The following TAS1R1 variants were observed in gnomAD, a reference collection of about 807,000 sequenced individuals.
TAS1R1 encodes taste receptor type 1 member 1.
A neutral mutation model predicts 45.8 loss-of-function variants in TAS1R1; 31 were observed. The ratio of observed to expected loss-of-function variants is 0.68; its 90% CI spans 0.51 to 0.91. The LOEUF (loss-of-function observed/expected upper bound fraction) is 0.91, where lower values mean the gene tolerates loss of function less well. Ranked by LOEUF, TAS1R1 falls within the 40% of genes least tolerant of loss-of-function variation. TAS1R1 has a pLI of 0.00. For synonymous variants in TAS1R1, 437 were observed against 448.4 expected, an observed-to-expected ratio of 0.97 and a Z score of 0.32; for missense variants, 1,051 against 1,063.9, an observed-to-expected ratio of 0.99 and a Z score of 0.17.
chr1:6,559,184 C>T (rs1023631112), intron 1 of TAS1R1, among the ~76,000 whole-genome samples: 3 of 151,424 alleles, frequency 2.0e-5, no homozygotes, highest in African/African-American at 4.8e-5. Flanking sequence ...TGAGCCGCCA[C>T]GCCCGGCCCC....
intron 1 of TAS1R1, among the ~76,000 whole-genome samples, chr1:6,561,647 G>A (rs1396332864): frequency 1.3e-5 from 2 of 152,020 alleles, no homozygotes; most frequent in Admixed American, 6.6e-5. Flanking sequence ...TCTGGGAGGC[G>A]GAGCTTGCAG....
rs1640093996 is a variant in TAS1R1, at chr1:6,574,124, A to C, written c.499-507A>C. Reference sequence around the variant, plus strand: ...GATTCTCATAAGTAGCGTGCAACCCAGATCCCTCGCATGTGCAGTTCACAG... The same window carrying C: ...GATTCTCATAAGTAGCGTGCAACCCCGATCCCTCGCATGTGCAGTTCACAG... On this transcript the variant is annotated intron_variant, in intron 2 of 5. Coordinates refer to ENST00000333172, the MANE Select transcript of TAS1R1 (RefSeq NM_138697.4). The surrounding 1 kb of genome is among the most constrained non-coding windows in gnomAD (Gnocchi z 4.3). Among the ~76,000 whole-genome samples, 1 of 152,182 alleles carries C rather than the reference A, an allele frequency of 6.6e-6. No individual in the cohort carries two copies. Among genetic ancestry groups the C allele is most frequent in the African/African-American group, 2.4e-5 (1 of 41,420 alleles).
intron 5 of TAS1R1, among the ~76,000 whole-genome samples, chr1:6,578,273 A>C (rs1640240115): frequency 6.6e-6 from 1 of 152,210 alleles, no homozygotes; most frequent in African/African-American, 2.4e-5. Context: ...GCAGCAGCTC[A>C]GGAAAGTGGT....
intron 1 of TAS1R1, among the ~76,000 whole-genome samples, chr1:6,561,646 C>T (rs1011490778): frequency 6.0e-5 from 9 of 150,620 alleles, no homozygotes; most frequent in East Asian, 5.9e-4. Context: ...ATCTGGGAGG[C>T]GGAGCTTGCA....
intron 1 of TAS1R1, among the ~76,000 whole-genome samples, chr1:6,565,050 T>C (rs901380071): frequency 2.0e-5 from 3 of 152,008 alleles, no homozygotes; most frequent in African/African-American, 7.3e-5. Context: ...CACGCACCGA[T>C]ATGGAAGGAT....
rs1039620579 is a variant in TAS1R1, at chr1:6,567,159, T to C, written c.192-3750T>C. ...AAGACTATGAGAAAATGGTATTGAA[T>C]AGGGAACAAGTAAGAGGTCTGGTGG... On this transcript the variant is annotated intron_variant, in intron 1 of 5. Coordinates refer to ENST00000333172, the MANE Select transcript of TAS1R1 (RefSeq NM_138697.4). Among the ~76,000 whole-genome samples, 41 of 152,086 alleles carry C rather than the reference T, an allele frequency of 2.7e-4. 1 individual carries two copies. Among genetic ancestry groups the C allele is most frequent in the African/African-American group, 9.4e-4 (39 of 41,410 alleles).
rs949220271 is a variant in TAS1R1, at chr1:6,575,189, C to T, written c.1057C>T (p.His353Tyr). 1.9e-6 allele frequency: 3 copies of T among 1,609,848 alleles called. No individual in the cohort carries two copies. Among genetic ancestry groups the T allele is most frequent in the South Asian group, 1.1e-5 (1 of 90,504 alleles). ...RADKKAPRPC[H>Y]KGSWCSSNQL... ...AGACAAGAAGGCCCCTAGGCCTTGC[C>T]ACAAGGGCTCCTGGTGCAGCAGCAA... The change falls in exon 3 of 6, where the codon CAC (histidine) becomes TAC (tyrosine). Residue 353 changes from histidine to tyrosine, a missense_variant. His to Tyr is a moderately conservative substitution (Grantham distance 83). Transcript: ENST00000333172.
At chr1:6,571,332 T>C in intron 2 of TAS1R1, 117 bp downstream of exon 2, 1 of 1,129,826 alleles carries the variant, frequency 8.9e-7, no homozygotes, top group East Asian at 2.5e-5. Flanking sequence ...TCTTGGGTGG[T>C]CACTGCTCTT....
chr1:6,575,322 C>A lies in TAS1R1; in HGVS notation c.1190C>A (p.Ala397Asp). The A allele has an allele frequency of 1.2e-6, 2 of 1,611,332 alleles. No homozygotes were observed. Among genetic ancestry groups the A allele is most frequent in the Non-Finnish European group, 1.7e-6 (2 of 1,179,140 alleles). The change falls in exon 3 of 6, where the codon GCC becomes GAC. Residue 397 changes from alanine to aspartate, a missense_variant. Transcript: ENST00000333172. ...GCATACCGGGCTGTGTATGCGGTGG[C>A]CCATGGCCTCCACCAGCTCCTGGGC... Reference protein sequence around the residue: ...YNAYRAVYAVAHGLHQLLGCA... With the variant: ...YNAYRAVYAVDHGLHQLLGCA...
Position 6,555,425 on chromosome 1 carries a change from T to C in TAS1R1, c.52T>C (p.Cys18Arg), listed in dbSNP as rs1639656297. The part of the protein sequence containing the change: ...LVGLQLLISC[C>R]WAFACHSTES... ...CGGCCTGCAGCTTCTCATTTCCTGC[T>C]GCTGGGCCTTTGCCTGCCATAGCAC... The change falls in exon 1 of 6, where the codon TGC becomes CGC. Residue 18 changes from cysteine to arginine, a missense_variant. By Grantham distance (180) the Cys-to-Arg change is radical. Coordinates refer to ENST00000333172, the MANE Select transcript of TAS1R1 (RefSeq NM_138697.4). The C allele has an allele frequency of 1.2e-6, 2 of 1,607,778 alleles. No homozygotes were observed. Among genetic ancestry groups the C allele is most frequent in the South Asian group, 1.1e-5 (1 of 90,054 alleles).
chr1:6,579,229 A>G lies in TAS1R1; in HGVS notation c.2171A>G (p.Asn724Ser), dbSNP rs201084942. ...GTGATGCTTGAGTGCACAGAGACCA[A>G]CTCCCTGGGCTTCATACTGGCCTTC... ...HLVMLECTET[N>S]SLGFILAFLY... Residue 724 changes from asparagine to serine, a missense_variant, in exon 6 of 6, where the codon AAC becomes AGC. Coordinates refer to ENST00000333172, the MANE Select transcript of TAS1R1 (RefSeq NM_138697.4). 3.1e-6 allele frequency: 5 copies of G among 1,613,738 alleles called. No individual in the cohort carries two copies. The highest frequency in any genetic ancestry group is 3.4e-6 in the Non-Finnish European group (4 of 1,179,930).
At chr1:6,558,036 G>GTTTTTTTTT (rs779773064) in intron 1 of TAS1R1, among the ~76,000 whole-genome samples, 2 of 140,822 alleles carry the variant, frequency 1.4e-5, no homozygotes. Context: ...GTAGTGGTTA[G>GTTTTTTTTT]TTTTTGTTTT....
chr1:6,569,934 T>G (rs12043532), intron 1 of TAS1R1, among the ~76,000 whole-genome samples: 2,685 of 148,574 alleles, frequency 0.018, 49 homozygotes, highest in Middle Eastern at 0.071. Flanking sequence ...TGGCAGGTTC[T>G]GGAAGGGGAG....
chr1:6,575,246 G>A lies in TAS1R1; in HGVS notation c.1114G>A (p.Ala372Thr), dbSNP rs34160967. ...QLCRECQAFM[A>T]HTMPKLKAFS... Reference sequence around the variant, plus strand: ...CTGCAGAGAATGCCAAGCTTTCATGGCACACACGATGCCCAAGCTCAAAGC... The same window carrying A: ...CTGCAGAGAATGCCAAGCTTTCATGACACACACGATGCCCAAGCTCAAAGC... Residue 372 changes from alanine to threonine, a missense_variant, in exon 3 of 6, where the codon GCA becomes ACA. Transcript: ENST00000333172. 216,767 of 1,613,466 alleles carry A rather than the reference G, an allele frequency of 0.13. 16,835 individuals carry two copies. The highest frequency in any genetic ancestry group is 0.34 in the East Asian group (15,365 of 44,868).
chr1:6,571,335 C>A, intron 2 of TAS1R1, 120 bp downstream of exon 2: 1 of 1,111,984 alleles, frequency 9.0e-7, no homozygotes, highest in Non-Finnish European at 1.3e-6. Flanking sequence ...TGGGTGGTCA[C>A]TGCTCTTTAG....
chr1:6,566,846 C>T (rs371212456), intron 1 of TAS1R1, among the ~76,000 whole-genome samples: 13 of 152,276 alleles, frequency 8.5e-5, no homozygotes, highest in South Asian at 6.2e-4. Context: ...CTGCCCGCCT[C>T]GGCCTCCCAA....
chr1:6,564,697 G>C (rs1319085673), intron 1 of TAS1R1, among the ~76,000 whole-genome samples: 1 of 152,188 alleles, frequency 6.6e-6, no homozygotes, highest in Non-Finnish European at 1.5e-5. Flanking sequence ...TTGTCTGATT[G>C]TATGGAGCAA....
intron 4 of TAS1R1, 43 bp from the exon 5 acceptor site, chr1:6,576,907 T>A (rs1640194991): frequency 6.2e-7 from 1 of 1,613,894 alleles, no homozygotes; most frequent in Non-Finnish European, 8.5e-7. Context: ...TGAGCTGTCC[T>A]TTGACTTGGG....
In TAS1R1 at chr1:6,576,539, C is replaced by T. The variant is rs377179936; in HGVS notation, c.1385C>T (p.Thr462Ile). The change falls in exon 4 of 6, where the codon ACC (threonine) becomes ATC (isoleucine). Residue 462 changes from threonine to isoleucine, a missense_variant. Physicochemically the swap from Thr to Ile is moderately conservative, Grantham distance 89 (BLOSUM62 -1). Transcript: ENST00000333172. ...IAWDWNGPKW[T>I]FTVLGSSTWS... is the part of the protein sequence containing the mutation. The stretch of plus-strand genomic sequence containing the variant: ...TGGGACTGGAATGGACCCAAGTGGA[C>T]CTTCACGGTCCTCGGTTCCTCCACA... The T allele has an allele frequency of 1.2e-6, 2 of 1,614,238 alleles. No individual in the cohort carries two copies. Among genetic ancestry groups the T allele is most frequent in the Non-Finnish European group, 1.7e-6 (2 of 1,180,050 alleles).
Sources: gnomAD v4.1 joint callset for allele counts (sites outside exome capture counted in the v4.1 genomes callset) on GRCh38, gnomAD v4.1.1 for gene constraint, Gnocchi (gnomAD v3.1) non-coding constraint, MANE v1.5 for transcripts, NCBI Gene and HGNC (gene_info 2026-07-23, HGNC 2026-07-21) for gene names.